CTNNA3: variants seen among roughly 807,000 people sequenced by gnomAD.
CTNNA3 encodes catenin alpha-3.
Under a neutral mutation model 95.7 loss-of-function variants are expected in CTNNA3, and 76 were observed. The observed-to-expected ratio is 0.79, with a 90% CI of 0.66 to 0.96. The LOEUF (loss-of-function observed/expected upper bound fraction) is 0.96, where lower values mean the gene tolerates loss of function less well. CTNNA3 is among the 40% of genes least tolerant of loss of function. The pLI, the probability that CTNNA3 is intolerant of heterozygous loss-of-function variation, is 0.00. For missense variants in CTNNA3, 1,191 were observed against 1,089.8 expected (o/e 1.09, Z -1.31); for synonymous variants, 431 against 374.4 (o/e 1.15, Z -1.74).
intron 7 of CTNNA3, among the ~76,000 whole-genome samples, chr10:66,963,711 T>G (rs1218824600): frequency 1.3e-5 from 2 of 152,036 alleles, no homozygotes; most frequent in Admixed American, 6.6e-5. Context: ...AGACCAAGAC[T>G]CTATTCATGA....
intron 5 of CTNNA3, among the ~76,000 whole-genome samples, chr10:67,346,015 G>A (rs987223162): frequency 6.6e-6 from 1 of 151,766 alleles, no homozygotes; most frequent in Non-Finnish European, 1.5e-5. Context: ...TTTGGTTTGA[G>A]GCTTCCATGA....
At chr10:67,683,512 A>C (rs1840666574) in intron 1 of CTNNA3, among the ~76,000 whole-genome samples, 2 of 152,174 alleles carry the variant, frequency 1.3e-5, no homozygotes, top group Admixed American at 1.3e-4. Flanking sequence ...CAATGAGCTA[A>C]CTCTGGGCCT....
At chr10:66,395,300 T>C (rs1205077946) in intron 11 of CTNNA3, among the ~76,000 whole-genome samples, 1 of 152,050 alleles carries the variant, frequency 6.6e-6, no homozygotes, top group Admixed American at 6.6e-5. Context: ...TTCAGCATCA[T>C]TTGTAATTGC....
intron 12 of CTNNA3, among the ~76,000 whole-genome samples, chr10:66,364,353 G>A (rs1017515874): frequency 2.0e-5 from 3 of 151,672 alleles, no homozygotes; most frequent in Non-Finnish European, 2.9e-5. Flanking sequence ...GACCAACTTC[G>A]GCAACACAGT....
intron 13 of CTNNA3, among the ~76,000 whole-genome samples, chr10:66,143,461 C>CA (rs901235460): frequency 1.3e-5 from 2 of 152,092 alleles, no homozygotes; most frequent in Non-Finnish European, 2.9e-5. Context: ...GTTTGGTCGT[C>CA]AAATATATCA....
chr10:66,887,434 A>T (rs1845086634), intron 7 of CTNNA3, among the ~76,000 whole-genome samples: 1 of 152,174 alleles, frequency 6.6e-6, no homozygotes, highest in Admixed American at 6.6e-5. Context: ...AAAAACAATG[A>T]AAAAATGAAG....
At chr10:66,587,958 C>G (rs1395419759) in intron 10 of CTNNA3, among the ~76,000 whole-genome samples, 1 of 152,144 alleles carries the variant, frequency 6.6e-6, no homozygotes, top group Non-Finnish European at 1.5e-5. Flanking sequence ...TTTATCCTCA[C>G]TCAAGGTTAT....
intron 5 of CTNNA3, among the ~76,000 whole-genome samples, chr10:67,312,570 G>A (rs1045157777): frequency 2.0e-5 from 3 of 152,116 alleles, no homozygotes; most frequent in African/African-American, 2.4e-5. Context: ...AGTCAATCTC[G>A]CTGGAAATAA....
intron 11 of CTNNA3, among the ~76,000 whole-genome samples, chr10:66,516,577 G>A (rs2132009473): frequency 6.6e-6 from 1 of 152,198 alleles, no homozygotes; most frequent in Non-Finnish European, 1.5e-5. Flanking sequence ...TGCAAAGGTG[G>A]GGGTATTTAT....
At chr10:66,695,458 T>A (rs921476950) in intron 9 of CTNNA3, among the ~76,000 whole-genome samples, 2 of 152,202 alleles carry the variant, frequency 1.3e-5, no homozygotes, top group Non-Finnish European at 2.9e-5. Context: ...AATGAGAGGT[T>A]TAAACTTAAA....
chr10:66,902,812 C>A (rs188495518), intron 7 of CTNNA3, among the ~76,000 whole-genome samples: 169 of 152,262 alleles, frequency 1.1e-3, no homozygotes, highest in African/African-American at 3.9e-3. Context: ...CATACACCCT[C>A]CCAAGACTAA....
intron 7 of CTNNA3, among the ~76,000 whole-genome samples, chr10:66,869,793 T>C (rs1564735037): frequency 6.6e-6 from 1 of 152,108 alleles, no homozygotes; most frequent in South Asian, 2.1e-4. Flanking sequence ...TCTCTTTGTG[T>C]TGGCATTCAT....
intron 10 of CTNNA3, among the ~76,000 whole-genome samples, chr10:66,597,511 CATATATATAT>C (rs369390875): frequency 0.05 from 3,513 of 70,932 alleles, 223 homozygotes; most frequent in Admixed American, 0.21. Context: ...TTATTTCATA[CATATATATAT>C]ATATATATAT....
intron 7 of CTNNA3, among the ~76,000 whole-genome samples, chr10:67,009,017 T>C (rs1405381318): frequency 5.3e-5 from 8 of 152,188 alleles, no homozygotes; most frequent in Admixed American, 1.3e-4. Flanking sequence ...CATAATTCTA[T>C]AGGATTTTGG....
rs148036198 is a variant in CTNNA3, at chr10:66,083,218, T to A, written c.1978-13729A>T. 2.5e-3 allele frequency among the ~76,000 whole-genome samples: 388 copies of A among 152,288 alleles called. 6 individuals are homozygous for A. The highest frequency in any genetic ancestry group is 9.0e-3 in the African/African-American group (375 of 41,568). On this transcript the variant is annotated intron_variant, in intron 14 of 17. Coordinates refer to ENST00000433211, the MANE Select transcript of CTNNA3 (RefSeq NM_013266.4). ...TAATTTTGGATAACCACATAGCTTG[T>A]CAATTAAAGCTCTACCCAATCTTAA...
chr10:65,924,767 A>G (rs2077141030), intron 17 of CTNNA3, among the ~76,000 whole-genome samples: 1 of 152,164 alleles, frequency 6.6e-6, no homozygotes, highest in African/African-American at 2.4e-5. Context: ...TTATAAAGGA[A>G]AGAGGTTTAA....
chr10:67,012,643 C>CTGTTGGGTATATAATGAGGGCA (rs1367499095), intron 7 of CTNNA3, among the ~76,000 whole-genome samples: 1 of 152,016 alleles, frequency 6.6e-6, no homozygotes, highest in East Asian at 1.9e-4. Context: ...CCCAACATAC[C>CTGTTGGGTATATAATGAGGGCA]TAAAGAACCC....
intron 13 of CTNNA3, among the ~76,000 whole-genome samples, chr10:66,227,684 TATAAA>T (rs1375440654): frequency 1.3e-5 from 2 of 152,168 alleles, no homozygotes; most frequent in Non-Finnish European, 2.9e-5. Context: ...ATGCTTCCCT[TATAAA>T]ATGAGTAAGA....
At chr10:66,748,295 GGTTA>G (rs1320194307) in intron 9 of CTNNA3, among the ~76,000 whole-genome samples, 1 of 152,134 alleles carries the variant, frequency 6.6e-6, no homozygotes, top group Non-Finnish European at 1.5e-5. Context: ...CTGACTTCAA[GGTTA>G]CCTTTTTTAA....
Sources: gnomAD v4.1 joint callset for allele counts (sites outside exome capture counted in the v4.1 genomes callset) on GRCh38, gnomAD v4.1.1 for gene constraint, MANE v1.5 for transcripts, NCBI Gene and HGNC (gene_info 2026-07-23, HGNC 2026-07-21) for gene names.